The following TLE3 variants were observed in gnomAD, a reference collection of about 807,000 sequenced individuals.
TLE3 encodes transducin-like enhancer protein 3.
Under a neutral mutation model 93.0 loss-of-function variants are expected in TLE3, and 14 were observed. The observed-to-expected ratio is 0.15, with a 90% CI of 0.10 to 0.24. The LOEUF is 0.24. TLE3 is among the 10% of genes least tolerant of loss of function. The pLI is 1.00. For synonymous variants in TLE3, 451 were observed against 425.0 expected (o/e 1.06, Z -0.75); for missense variants, 693 against 1,046.6 (o/e 0.66, Z 4.66).
chr15:70,095,134 G>A (rs922909912), intron 3 of TLE3, among the ~76,000 whole-genome samples: 8 of 152,162 alleles, frequency 5.3e-5, no homozygotes, highest in Non-Finnish European at 2.9e-5. Flanking sequence ...GGGAAGGAGG[G>A]CTTCTGTCCT....
rs370876945 is a variant in TLE3 at position 70,094,587 on chromosome 15, A to G, written c.190-11T>C. On this transcript the variant is annotated splice_polypyrimidine_tract_variant and intron_variant, in intron 3 of 19. Coordinates refer to ENST00000451782, the MANE Select transcript of TLE3 (RefSeq NM_001105192.3). ...GGACATCTCATAGTACTAAAAGTAA[A>G]AAGAATGGCTATTAACAGACAACAC... is the stretch of plus-strand genomic sequence containing the variant. 45 of 1,542,550 alleles carry G rather than the reference A, an allele frequency of 2.9e-5. No homozygotes were observed. The highest frequency in any genetic ancestry group is 1.4e-4 in the Admixed American group (7 of 48,594).
chr15:70,064,314 C>T, intron 8 of TLE3, 140 bp downstream of exon 8: 1 of 990,874 alleles, frequency 1.0e-6, no homozygotes, highest in Non-Finnish European at 1.5e-6. Context: ...TAGTTACAAC[C>T]CACAGAGCAG....
intron 6 of TLE3, among the ~76,000 whole-genome samples, chr15:70,067,621 T>C (rs1187843035): frequency 1.3e-5 from 2 of 152,164 alleles, no homozygotes; most frequent in East Asian, 1.9e-4. Flanking sequence ...CAATATGAGA[T>C]GGTTTTCTGG....
At chr15:70,075,432 A>T (rs535973797) in intron 5 of TLE3, among the ~76,000 whole-genome samples, 1 of 152,250 alleles carries the variant, frequency 6.6e-6, no homozygotes. Flanking sequence ...GGGCATTGCC[A>T]TATCTGATTC....
chr15:70,096,849 C>T lies in TLE3; in HGVS notation c.-51G>A. ...AGCGTGGAAGCGCCGAGAGCCCGGG[C>T]CGGGGAGGTGCGGGGGAGGGGGGAG... On this transcript the variant is annotated 5_prime_UTR_variant, in exon 1 of 20. Transcript: ENST00000451782. The T allele has an allele frequency of 6.3e-7, 1 of 1,593,050 alleles. No homozygotes were observed.
At chr15:70,051,858 G>A (rs979579075) in intron 18 of TLE3, among the ~76,000 whole-genome samples, 26 of 152,154 alleles carry the variant, frequency 1.7e-4, no homozygotes, top group Admixed American at 3.3e-4. Context: ...GCAGTCAGTG[G>A]GCGACCTTCC....
chr15:70,062,425 C>G (rs1365126694), intron 8 of TLE3, among the ~76,000 whole-genome samples: 2 of 152,202 alleles, frequency 1.3e-5, no homozygotes, highest in African/African-American at 2.4e-5. Context: ...CCTCGCGACC[C>G]GGTGCTCGGC....
rs1025128594 is a variant in TLE3 at position 70,049,640 on chromosome 15, G to A, written c.*457C>T. 8 of 160,250 alleles carry A rather than the reference G, an allele frequency of 5.0e-5. No homozygotes were observed. Among genetic ancestry groups the A allele is most frequent in the Non-Finnish European group, 8.3e-5 (6 of 72,338 alleles). 9.9% of individuals were successfully genotyped at this position (160,250 alleles called of 1,614,324 possible). On this transcript the variant is annotated 3_prime_UTR_variant, in exon 20 of 20. Coordinates refer to ENST00000451782, the MANE Select transcript of TLE3 (RefSeq NM_001105192.3). The stretch of plus-strand genomic sequence containing the variant: ...ACTGATCAGTCCGCAATAGGAGTCT[G>A]TTATTTACATTTTTCACAAATCTTG...
At chr15:70,091,183 C>G (rs1428084319) in intron 4 of TLE3, among the ~76,000 whole-genome samples, 1 of 152,216 alleles carries the variant, frequency 6.6e-6, no homozygotes, top group Non-Finnish European at 1.5e-5. Flanking sequence ...GAGAAACTTA[C>G]AGGAAAGGTT....
chr15:70,052,956 T>C (rs560956171), intron 17 of TLE3: 1 of 433,062 alleles, frequency 2.3e-6, no homozygotes, highest in South Asian at 3.9e-5. Context: ...TTCCATCTTG[T>C]GAATGAGGAC....
At chr15:70,056,267 A>G in intron 14 of TLE3, 31 bp downstream of exon 14, 1 of 1,610,088 alleles carries the variant, frequency 6.2e-7, no homozygotes, top group Non-Finnish European at 8.5e-7. Context: ...CCCACCCTAC[A>G]AAGCATGCAG....
At position 70,066,098 on chromosome 15, in the gene TLE3, C is replaced by T. The variant is rs1286617949; in HGVS notation, c.493G>A (p.Gly165Arg). 2 of 1,581,264 alleles carry T rather than the reference C, an allele frequency of 1.3e-6. No individual in the cohort carries two copies. The part of the protein sequence containing the change: ...GIPPVTGSSS[G>R]LLALGALGSQ... ...CCCAGGGCGCCCAGTGCCAGCAGCCCGGAGCTGCTCCCTGTCACTGGGGGG... is the reference window on the plus strand; with the variant it reads ...CCCAGGGCGCCCAGTGCCAGCAGCCTGGAGCTGCTCCCTGTCACTGGGGGG... Residue 165 changes from glycine to arginine, a missense_variant, in exon 7 of 20, where the codon GGG becomes AGG. By Grantham distance (125) the Gly-to-Arg change is moderately radical. Around this residue, in one of 4 missense-constraint regions of TLE3, gnomAD observed 405 missense variants for 468.9 expected, o/e 0.86. Coordinates refer to ENST00000451782, the MANE Select transcript of TLE3 (RefSeq NM_001105192.3).
intron 18 of TLE3, among the ~76,000 whole-genome samples, chr15:70,051,867 C>G (rs976285869): frequency 6.6e-6 from 1 of 152,172 alleles, no homozygotes; most frequent in Non-Finnish European, 1.5e-5. Flanking sequence ...GGGCGACCTT[C>G]CTCCAAGCAG....
chr15:70,082,814 G>A (rs549779944), intron 4 of TLE3, among the ~76,000 whole-genome samples: 1 of 152,326 alleles, frequency 6.6e-6, no homozygotes, highest in Non-Finnish European at 1.5e-5. Context: ...AGGAGCCAGG[G>A]CAGGGAGGAG....
chr15:70,065,472 T>A (rs764328122), intron 7 of TLE3, among the ~76,000 whole-genome samples: 1 of 152,322 alleles, frequency 6.6e-6, no homozygotes, highest in Middle Eastern at 3.4e-3. Context: ...AACCTTTACC[T>A]GAGCACTGAC....
chr15:70,062,169 T>C lies in TLE3; in HGVS notation c.595-1520A>G, dbSNP rs531121253. ...GAGTTATCAAGCCTTGAAGAAAAAA[T>C]GGAGGTTATAATGGAACTGCAGCTC... On this transcript the variant is annotated intron_variant, in intron 8 of 19. Transcript: ENST00000451782. Among the ~76,000 whole-genome samples the C allele has an allele frequency of 3.3e-5, 5 of 152,048 alleles. No homozygotes were observed. In the East Asian group the frequency reaches 5.8e-4, roughly 18 times the overall value.
chr15:70,082,084 GC>G (rs2057807003), intron 4 of TLE3, among the ~76,000 whole-genome samples: 4 of 152,242 alleles, frequency 2.6e-5, no homozygotes, highest in African/African-American at 9.6e-5. Context: ...GGTGGCCCTG[GC>G]CCCAACCTTC....
intron 16 of TLE3, 160 bp downstream of exon 16, chr15:70,054,278 G>C (rs2055823346): frequency 2.0e-6 from 2 of 1,024,972 alleles, no homozygotes; most frequent in Non-Finnish European, 2.8e-6. Context: ...CTCGCATAAG[G>C]CAGGCGGAGC....
At chr15:70,095,948 C>A (rs2058535494) in intron 2 of TLE3, 5 of 676,668 alleles carry the variant, frequency 7.4e-6, no homozygotes, top group Non-Finnish European at 9.7e-6. Flanking sequence ...GACCCTCATT[C>A]GGGGACCCCA....
Sources: allele counts gnomAD v4.1 joint callset (sites outside exome capture counted in the v4.1 genomes callset), GRCh38; gene constraint gnomAD v4.1.1; regional missense constraint gnomAD v4.1.1; transcripts MANE v1.5; gene names NCBI Gene and HGNC (gene_info 2026-07-23, HGNC 2026-07-21).